The following NAV1 variants were observed in gnomAD, a reference collection of about 807,000 sequenced individuals.
NAV1 encodes the protein pore membrane and/or filament interacting like protein 3.
Under a neutral mutation model 175.2 loss-of-function variants are expected in NAV1, and 18 were observed. The observed-to-expected ratio is 0.10, with a 90% CI of 0.07 to 0.15. The LOEUF (loss-of-function observed/expected upper bound fraction) is 0.15. Ranked by LOEUF, NAV1 falls within the 10% of genes least tolerant of loss-of-function variation. The pLI is 1.00. For missense variants in NAV1, 1,731 were observed against 2,436.6 expected (o/e 0.71, Z 6.10); for synonymous variants, 897 against 978.7 (o/e 0.92, Z 1.56).
At chr1:201,593,389 G>T (rs922196574) in intron 2 of NAV1, among the ~76,000 whole-genome samples, 1 of 152,124 alleles carries the variant, frequency 6.6e-6, no homozygotes, top group African/African-American at 2.4e-5. Flanking sequence ...TAAGACATTT[G>T]CTCTCCCTCC....
At chr1:201,543,307 T>A (rs1195264846) in intron 1 of NAV1, among the ~76,000 whole-genome samples, 1 of 143,694 alleles carries the variant, frequency 7.0e-6, no homozygotes, top group Non-Finnish European at 1.6e-5. Flanking sequence ...CATCTTCTAT[T>A]TCTAGTTTTC....
At chr1:201,826,601 C>A (rs1405664483) in exon 30 of NAV1, 2 of 152,034 alleles carry the variant, frequency 1.3e-5, no homozygotes, top group Non-Finnish European at 2.9e-5. Flanking sequence ...TTATTGGGTG[C>A]AAAATCCCAA....
intron 2 of NAV1, among the ~76,000 whole-genome samples, chr1:201,631,833 T>C (rs1342879389): frequency 1.3e-5 from 2 of 152,138 alleles, no homozygotes; most frequent in Admixed American, 6.5e-5. Context: ...TGGCTGGGGG[T>C]TTGGGGGCTT....
exon 30 of NAV1, chr1:201,821,112 T>C (rs1364756231): frequency 1.3e-5 from 2 of 152,552 alleles, no homozygotes; most frequent in Non-Finnish European, 2.9e-5. Flanking sequence ...TGAGAAGGTA[T>C]AGCCCCATCT....
intron 1 of NAV1, among the ~76,000 whole-genome samples, chr1:201,551,567 ACAT>A (rs1404347277): frequency 6.6e-6 from 1 of 152,150 alleles, no homozygotes. Context: ...TTAACCACAG[ACAT>A]CATGTCTGTT....
chr1:201,781,886 TG>T (rs1321107384), intron 5 of NAV1, among the ~76,000 whole-genome samples: 1 of 152,194 alleles, frequency 6.6e-6, no homozygotes, highest in Non-Finnish European at 1.5e-5. Flanking sequence ...AGTTGTTAGA[TG>T]GATATTCTTG....
rs765580417 is a variant in NAV1, at chr1:201,786,539, C to T, written c.2957C>T (p.Pro986Leu). Residue 986 changes from proline to leucine, a missense_variant, in exon 9 of 30, where the codon CCC becomes CTC. Pro to Leu is a moderately conservative substitution (Grantham distance 98, BLOSUM62 -3). Coordinates refer to ENST00000367296, the Ensembl canonical transcript of NAV1. ...GAGCTGCCTTCTCCCCCTGCACTTC[C>T]CATGTCTCTGAGTGCAAAGGGCCAA... 2.5e-6 allele frequency: 4 copies of T among 1,613,792 alleles called. No individual in the cohort carries two copies. The African/African-American group carries it at 5.3e-5, about 22-fold the overall frequency.
At chr1:201,706,389 T>G (rs566320566) in intron 1 of NAV1, among the ~76,000 whole-genome samples, 1 of 152,218 alleles carries the variant, frequency 6.6e-6, no homozygotes, top group Admixed American at 6.5e-5. Flanking sequence ...TAATTTACAT[T>G]GCAGTTCACC....
exon 30 of NAV1, chr1:201,822,047 C>G (rs1327073359): frequency 6.5e-6 from 1 of 152,688 alleles, no homozygotes; most frequent in Non-Finnish European, 1.5e-5. Flanking sequence ...TCCGGGCTGC[C>G]CCTCACAAAA....
intron 1 of NAV1, among the ~76,000 whole-genome samples, chr1:201,680,307 C>A (rs181546136): frequency 6.6e-6 from 1 of 152,032 alleles, no homozygotes. Context: ...GTCAGGAGTT[C>A]GAGACCAGCC....
intron 1 of NAV1, among the ~76,000 whole-genome samples, chr1:201,659,418 C>G (rs189789438): frequency 5.9e-5 from 9 of 152,282 alleles, no homozygotes; most frequent in Admixed American, 4.6e-4. Flanking sequence ...GAATTCAAGA[C>G]CAGTGTGGGC....
At chr1:201,709,074 A>G (rs1237127561) in intron 1 of NAV1, among the ~76,000 whole-genome samples, 1 of 149,874 alleles carries the variant, frequency 6.7e-6, no homozygotes, top group African/African-American at 2.5e-5. Flanking sequence ...GCTCAAAACC[A>G]GGGAAGTTGA....
At chr1:201,605,474 G>A (rs192253818) in intron 2 of NAV1, among the ~76,000 whole-genome samples, 7 of 152,258 alleles carry the variant, frequency 4.6e-5, no homozygotes, top group Non-Finnish European at 8.8e-5. Flanking sequence ...TGTCACAAAT[G>A]GACTGAACCC....
At chr1:201,794,966 A>G (rs1395775814) in intron 15 of NAV1, 1 of 178,268 alleles carries the variant, frequency 5.6e-6, no homozygotes, top group Non-Finnish European at 1.2e-5. Flanking sequence ...TTCCAATGAA[A>G]CAACCAAAGC....
chr1:201,751,343 TA>T (rs1160782822), intron 3 of NAV1, among the ~76,000 whole-genome samples: 1 of 152,200 alleles, frequency 6.6e-6, no homozygotes, highest in Non-Finnish European at 1.5e-5. Context: ...ACTGAAGAGA[TA>T]AAGCACCTAA....
chr1:201,640,217 CAG>C (rs1473338784), intron 2 of NAV1, among the ~76,000 whole-genome samples: 1 of 152,226 alleles, frequency 6.6e-6, no homozygotes, highest in Non-Finnish European at 1.5e-5. Flanking sequence ...CCACTGAACT[CAG>C]GGAGTCTTCT....
At chr1:201,760,615 GTT>G (rs761727516) in intron 3 of NAV1, among the ~76,000 whole-genome samples, 59 of 152,322 alleles carry the variant, frequency 3.9e-4, no homozygotes, top group Admixed American at 3.5e-3. Flanking sequence ...TGAGAGAAAT[GTT>G]TGCATTCTGT....
chr1:201,619,026 A>G (rs546073473), upstream of NAV1, among the ~76,000 whole-genome samples: 12 of 152,234 alleles, frequency 7.9e-5, no homozygotes, highest in East Asian at 2.3e-3. Context: ...TCCTGTGTGC[A>G]TCCTCCTCCC....
At chr1:201,630,680 A>C (rs1202109152) in intron 2 of NAV1, among the ~76,000 whole-genome samples, 1 of 152,224 alleles carries the variant, frequency 6.6e-6, no homozygotes, top group Non-Finnish European at 1.5e-5. Flanking sequence ...AGCATTTGCA[A>C]AGCAAGCCAT....
Sources: allele counts gnomAD v4.1 joint callset (sites outside exome capture counted in the v4.1 genomes callset), GRCh38; gene constraint gnomAD v4.1.1; transcripts MANE v1.5; gene names NCBI Gene and HGNC (gene_info 2026-07-23, HGNC 2026-07-21).